UNC80: variants seen among roughly 807,000 people sequenced by gnomAD.
UNC80 encodes protein unc-80 homolog.
Under a neutral mutation model 384.6 loss-of-function variants are expected in UNC80, and 164 were observed. The observed-to-expected ratio is 0.43, with a 90% CI of 0.38 to 0.49. UNC80 has a LOEUF of 0.49. UNC80 is among the 20% of genes least tolerant of loss of function. The pLI, the probability that UNC80 is intolerant of heterozygous loss-of-function variation, is 0.00. For synonymous variants in UNC80, 1,486 were observed against 1,527.8 expected, an observed-to-expected ratio of 0.97 and a Z score of 0.64; for missense variants, 3,330 against 4,143.0, an observed-to-expected ratio of 0.80 and a Z score of 5.39.
intron 60 of UNC80, 56 bp from the exon 61 acceptor site, chr2:209,984,800 C>CA: frequency 8.8e-7 from 1 of 1,137,920 alleles, no homozygotes; most frequent in East Asian, 3.4e-5. Flanking sequence ...TTTCTTTTTT[C>CA]TTTTTTTTTT....
chr2:209,961,549 G>A (rs560307289), intron 51 of UNC80: 1 of 152,214 alleles, frequency 6.6e-6, no homozygotes, highest in Non-Finnish European at 1.5e-5. Context: ...AGATTTTCAA[G>A]GAGTTAATTA....
chr2:209,949,674 C>T (rs551089861), intron 47 of UNC80, among the ~76,000 whole-genome samples: 2 of 152,212 alleles, frequency 1.3e-5, no homozygotes, highest in Admixed American at 6.5e-5. Flanking sequence ...CATGGGGTTT[C>T]ACCATGTTGA....
rs2084416477 is a variant in UNC80 at position 209,872,842 on chromosome 2, T to C, written c.3712T>C (p.Trp1238Arg). The C allele has an allele frequency of 6.4e-7, 1 of 1,551,344 alleles. No homozygotes were observed. The highest frequency in any genetic ancestry group is 8.7e-7 in the Non-Finnish European group (1 of 1,146,814). The change falls in exon 23 of 65, where the codon TGG (tryptophan) becomes CGG (arginine). Residue 1238 changes from tryptophan (W) to arginine (R), a missense_variant. Physicochemically the swap from Trp to Arg is moderately radical, Grantham distance 101 (BLOSUM62 -3). Coordinates refer to ENST00000673920, the MANE Select transcript of UNC80 (RefSeq NM_001371986.1). The surrounding 1 kb of genome is among the most constrained non-coding windows in gnomAD (Gnocchi z 4.1). ...HRCNRGNWPE[W>R]MKGHHVNITK... ...CTGCAACCGTGGCAACTGGCCAGAG[T>C]GGATGAAAGGGCACCACGTGAACAT... is the stretch of plus-strand genomic sequence containing the variant.
intron 61 of UNC80, among the ~76,000 whole-genome samples, chr2:209,990,578 C>T (rs2093373703): frequency 6.6e-6 from 1 of 152,098 alleles, no homozygotes; most frequent in Admixed American, 6.5e-5. Flanking sequence ...TACTTTTGTG[C>T]ATATGGTTAT....
intron 64 of UNC80, 124 bp from the exon 65 acceptor site, chr2:209,995,205 A>G (rs751155694): frequency 1.2e-4 from 160 of 1,284,886 alleles, no homozygotes; most frequent in Non-Finnish European, 1.7e-4. Flanking sequence ...CCTATAACAA[A>G]GGCTGGAACT....
rs1050026536 is a variant in UNC80, at chr2:209,976,809, T to C, written c.8773-104T>C. The C allele has an allele frequency of 7.8e-7, 1 of 1,274,134 alleles. No individual in the cohort carries two copies. Among genetic ancestry groups the C allele is most frequent in the South Asian group, 1.7e-5 (1 of 58,058 alleles). The allele number at this position is 1,274,134 out of a possible 1,614,324, so 78.9% of individuals were successfully genotyped here. A position where few individuals can be genotyped will look rare whatever the true frequency, so the allele number is the denominator to read the frequency against. The stretch of plus-strand genomic sequence containing the variant: ...AAAGTGCCGTTCTAGGAACATCACA[T>C]GCATTACCTTATTTATTCCTCACAA... On this transcript the variant is annotated intron_variant, in intron 57 of 64. Transcript: ENST00000673920. This position sits in a 1 kb window ranked among gnomAD's most constrained non-coding sequence, Gnocchi z 4.3.
chr2:209,867,368 C>T (rs2083921251), intron 22 of UNC80, among the ~76,000 whole-genome samples: 1 of 151,640 alleles, frequency 6.6e-6, no homozygotes, highest in Admixed American at 6.6e-5. Context: ...TGTCAGACAC[C>T]TGGAAACATT....
chr2:209,831,371 G>A, intron 15 of UNC80, 72 bp from the exon 16 acceptor site: 1 of 1,440,942 alleles, frequency 6.9e-7, no homozygotes. Flanking sequence ...TGGGTGCCAA[G>A]TACTGCCTTA....
At chr2:209,888,049 T>C (rs2124907125) in intron 25 of UNC80, 46 bp from the exon 26 acceptor site, 1 of 1,547,764 alleles carries the variant, frequency 6.5e-7, no homozygotes, top group Non-Finnish European at 8.7e-7. Context: ...ACCAATGCAG[T>C]GCTGGGGAGA....
chr2:209,943,585 C>T (rs2091761471), intron 45 of UNC80, 71 bp downstream of exon 45: 28 of 1,517,016 alleles, frequency 1.8e-5, no homozygotes, highest in Non-Finnish European at 2.4e-5. Context: ...TTTATTAGAG[C>T]TTACTATGGC....
chr2:209,797,218 C>CAAAAA (rs979721274), intron 7 of UNC80, among the ~76,000 whole-genome samples: 1 of 151,210 alleles, frequency 6.6e-6, no homozygotes, highest in Non-Finnish European at 1.5e-5. Flanking sequence ...AACAAACAAA[C>CAAAAA]AAAAAAAATG....
chr2:209,922,674 A>C (rs1333226489), intron 35 of UNC80, among the ~76,000 whole-genome samples: 8 of 152,244 alleles, frequency 5.3e-5, no homozygotes, highest in Non-Finnish European at 1.5e-5. Flanking sequence ...TAGCTACAGT[A>C]CATTACAACC....
At position 209,976,334 on chromosome 2, in the gene UNC80, G is replaced by C. The variant is rs1331844596; in HGVS notation, c.8772+31G>C. The C allele has an allele frequency of 6.4e-7, 1 of 1,551,348 alleles. No homozygotes were observed. Among genetic ancestry groups the C allele is most frequent in the Admixed American group, 2.0e-5 (1 of 50,954 alleles). ...GTGTGTGCTTCTCCTCCTGAAAGTG[G>C]CAAGCTCAAATGAATGTGTGGCTCT... On this transcript the variant is annotated intron_variant, in intron 57 of 64. Transcript: ENST00000673920. The surrounding 1 kb of genome is among the most constrained non-coding windows in gnomAD (Gnocchi z 4.3).
At chr2:209,791,363 C>T (rs887886214) in intron 6 of UNC80, among the ~76,000 whole-genome samples, 2 of 152,004 alleles carry the variant, frequency 1.3e-5, no homozygotes, top group East Asian at 3.9e-4. Flanking sequence ...GACCAAATTC[C>T]TCTCCCTGTT....
rs1362601875 is a variant in UNC80 at position 209,878,043 on chromosome 2, G to A, written c.3930G>A (p.Lys1310=). 1.3e-6 allele frequency: 2 copies of A among 1,544,764 alleles called. No homozygotes were observed. The highest frequency in any genetic ancestry group is 1.4e-5 in the African/African-American group (1 of 72,678). Residue 1310 remains lysine (K), a synonymous_variant, in exon 24 of 65, where the codon AAG becomes AAA. Coordinates refer to ENST00000673920, the MANE Select transcript of UNC80 (RefSeq NM_001371986.1). Reference sequence around the variant, plus strand: ...GTCTCATTTACGATGAAGAGACCAAGAGGAGACTTAGAAAGGAGGATGAGG... The same window carrying A: ...GTCTCATTTACGATGAAGAGACCAAAAGGAGACTTAGAAAGGAGGATGAGG... ...LLGLIYDEET[K]RRLRKEDEEE...
At chr2:209,790,741 A>G (rs983790030) in intron 6 of UNC80, among the ~76,000 whole-genome samples, 1 of 152,220 alleles carries the variant, frequency 6.6e-6, no homozygotes, top group Non-Finnish European at 1.5e-5. Context: ...AAAATTTTAA[A>G]TGTGAAGGAG....
intron 7 of UNC80, among the ~76,000 whole-genome samples, chr2:209,802,620 T>C (rs1166006647): frequency 6.6e-6 from 1 of 152,136 alleles, no homozygotes; most frequent in Non-Finnish European, 1.5e-5. Flanking sequence ...GGAATGTCCT[T>C]CTTATACATC....
chr2:209,788,593 C>A (rs1365252656), intron 5 of UNC80, among the ~76,000 whole-genome samples: 3 of 144,802 alleles, frequency 2.1e-5, no homozygotes, highest in Admixed American at 1.4e-4. Flanking sequence ...AAAAAATATA[C>A]AAATAAAAGT....
At chr2:209,993,964 T>A (rs1205518493) in intron 63 of UNC80, 101 bp from the exon 64 acceptor site, 3 of 1,068,274 alleles carry the variant, frequency 2.8e-6, no homozygotes, top group East Asian at 2.8e-5. Context: ...GTTTTTATTT[T>A]AAAAAATCCC....
Sources: allele counts gnomAD v4.1 joint callset (sites outside exome capture counted in the v4.1 genomes callset), GRCh38; gene constraint gnomAD v4.1.1; non-coding constraint Gnocchi (gnomAD v3.1); transcripts MANE v1.5; gene names NCBI Gene and HGNC (gene_info 2026-07-23, HGNC 2026-07-21).